Variants in GFRA2 observed in about 807,000 individuals in gnomAD.
GFRA2 encodes the protein GDNF family receptor alpha-2.
GFRA2 carries 17 observed loss-of-function variants against 48.3 expected under a neutral mutation model. That is an observed-to-expected ratio of 0.35 (90% CI 0.24 to 0.53). GFRA2 has a LOEUF of 0.53. GFRA2 is among the 20% of genes least tolerant of loss of function. The pLI is 0.93. For missense variants in GFRA2, 660 were observed against 637.3 expected (o/e 1.04, Z -0.38); for synonymous variants, 305 against 257.2 (o/e 1.19, Z -1.78).
chr8:21,722,231 G>A (rs1455399909), intron 4 of GFRA2, among the ~76,000 whole-genome samples: 1 of 152,130 alleles, frequency 6.6e-6, no homozygotes, highest in Admixed American at 6.5e-5. Context: ...TCCCTGCCCT[G>A]TCTGCCCACC....
chr8:21,740,216 A>G (rs1214542532), intron 4 of GFRA2, among the ~76,000 whole-genome samples: 1 of 152,058 alleles, frequency 6.6e-6, no homozygotes, highest in Non-Finnish European at 1.5e-5. Flanking sequence ...CTCACTCCAC[A>G]CTTCCCAAAG....
At chr8:21,754,092 T>A (rs1805432248) in intron 3 of GFRA2, among the ~76,000 whole-genome samples, 1 of 152,226 alleles carries the variant, frequency 6.6e-6, no homozygotes, top group African/African-American at 2.4e-5. Flanking sequence ...CAACACCCCA[T>A]GCACATTCCA....
intron 3 of GFRA2, among the ~76,000 whole-genome samples, chr8:21,752,171 T>C (rs1218641290): frequency 6.6e-6 from 1 of 152,024 alleles, no homozygotes; most frequent in Non-Finnish European, 1.5e-5. Flanking sequence ...ACATCACCCA[T>C]CTTCAATTAA....
At chr8:21,704,713 C>T (rs1802653952) in intron 6 of GFRA2, among the ~76,000 whole-genome samples, 2 of 152,216 alleles carry the variant, frequency 1.3e-5, no homozygotes, top group Admixed American at 6.5e-5. Flanking sequence ...CCAAAGGAAA[C>T]TGGCTGAAGC....
At chr8:21,737,781 T>G (rs944081440) in intron 4 of GFRA2, among the ~76,000 whole-genome samples, 1 of 152,108 alleles carries the variant, frequency 6.6e-6, no homozygotes, top group African/African-American at 2.4e-5. Flanking sequence ...ACAGCTTCCC[T>G]TCTCAGAATG....
intron 3 of GFRA2, among the ~76,000 whole-genome samples, chr8:21,767,470 GGGTGGGAGGGGAATGCCCAGGGCACGT>G (rs2117674826): frequency 6.6e-6 from 1 of 152,382 alleles, no homozygotes; most frequent in African/African-American, 2.4e-5. Flanking sequence ...GTGCAGGCAT[GGGTGGGAGGGGAATGCCCAGGGCACGT>G]GCTCACAACC....
chr8:21,762,725 T>G (rs375995731), intron 3 of GFRA2, among the ~76,000 whole-genome samples: 44 of 152,370 alleles, frequency 2.9e-4, no homozygotes, highest in African/African-American at 1.1e-3. Context: ...GTTCTGACAA[T>G]TAAAAATTTA....
rs753623842 is a variant in GFRA2 at position 21,750,082 on chromosome 8, T to G, written c.794+506A>C. On this transcript the variant is annotated intron_variant, in intron 4 of 8. Coordinates refer to ENST00000524240, the MANE Select transcript of GFRA2 (RefSeq NM_001495.5). This position sits in a 1 kb window ranked among gnomAD's most constrained non-coding sequence, Gnocchi z 5.7. The stretch of plus-strand genomic sequence containing the variant: ...ATATATGTGTATATATGTGTGTGTG[T>G]GTGTATACACACACACACACACACA... Among the ~76,000 whole-genome samples, 4 of 118,278 alleles carry G rather than the reference T, an allele frequency of 3.4e-5. No individual in the cohort carries two copies. Among genetic ancestry groups the G allele is most frequent in the Non-Finnish European group, 7.1e-5 (4 of 56,086 alleles). The allele number at this position is 118,278 out of a possible 152,430, so 77.6% of individuals were successfully genotyped here. A position where few individuals can be genotyped will look rare whatever the true frequency, so the allele number is the denominator to read the frequency against.
intron 4 of GFRA2, among the ~76,000 whole-genome samples, chr8:21,742,677 A>C (rs1227336810): frequency 6.6e-6 from 1 of 152,226 alleles, no homozygotes; most frequent in African/African-American, 2.4e-5. Flanking sequence ...ACACACGCCC[A>C]GTTGTAGGTG....
chr8:21,750,317 A>G lies in GFRA2; in HGVS notation c.794+271T>C, dbSNP rs1465620777. Among the ~76,000 whole-genome samples the G allele has an allele frequency of 6.6e-6, 1 of 152,222 alleles. No homozygotes were observed. The highest frequency in any genetic ancestry group is 1.5e-5 in the Non-Finnish European group (1 of 68,036). ...TTGGGTTGTTCATTTTGGTTTCCCCAGCTGAGCACAAAGTAAGCAAATGAT... is the reference window on the plus strand; with the variant it reads ...TTGGGTTGTTCATTTTGGTTTCCCCGGCTGAGCACAAAGTAAGCAAATGAT... On this transcript the variant is annotated intron_variant, in intron 4 of 8. Coordinates refer to ENST00000524240, the MANE Select transcript of GFRA2 (RefSeq NM_001495.5). This position sits in a 1 kb window ranked among gnomAD's most constrained non-coding sequence, Gnocchi z 5.7.
In GFRA2 at chr8:21,756,154, G is replaced by A. The variant is rs191064941; in HGVS notation, c.440-5212C>T. ...TGCCCCCAGGTTCCCCAGGTGCTCCGTTCCCACTCCTCTCAGCAGGTTCCT... is the reference window on the plus strand; with the variant it reads ...TGCCCCCAGGTTCCCCAGGTGCTCCATTCCCACTCCTCTCAGCAGGTTCCT... On this transcript the variant is annotated intron_variant, in intron 3 of 8. Transcript: ENST00000524240. Among the ~76,000 whole-genome samples the A allele has an allele frequency of 6.6e-5, 10 of 152,304 alleles. No individual in the cohort carries two copies. The East Asian group carries it at 1.2e-3, about 18-fold the overall frequency.
intron 4 of GFRA2, among the ~76,000 whole-genome samples, chr8:21,713,077 AG>A (rs1053167535): frequency 1.4e-5 from 2 of 146,604 alleles, no homozygotes; most frequent in Non-Finnish European, 3.1e-5. Context: ...GGAGAGGGAG[AG>A]GGAGAGGCAG....
At chr8:21,765,069 C>G (rs1018658078) in intron 3 of GFRA2, among the ~76,000 whole-genome samples, 1 of 152,172 alleles carries the variant, frequency 6.6e-6, no homozygotes, top group South Asian at 2.1e-4. Flanking sequence ...TCTGACCAGG[C>G]TAACCACTTC....
Position 21,786,246 on chromosome 8 carries a change from A to G in GFRA2, c.40+1874T>C, listed in dbSNP as rs931451431. Reference sequence around the variant, plus strand: ...GAGCAGGAACCCCAGCCACTTCTGAAAAGGAGAAAGGTGGACTCCTTAGCC... The same window carrying G: ...GAGCAGGAACCCCAGCCACTTCTGAGAAGGAGAAAGGTGGACTCCTTAGCC... On this transcript the variant is annotated intron_variant, in intron 1 of 8. Coordinates refer to ENST00000524240, the MANE Select transcript of GFRA2 (RefSeq NM_001495.5). 2.6e-5 allele frequency among the ~76,000 whole-genome samples: 4 copies of G among 152,146 alleles called. No individual in the cohort carries two copies. The East Asian group carries it at 7.7e-4, about 29-fold the overall frequency.
In GFRA2 at chr8:21,692,263, T is replaced by C. The variant is rs938683742; in HGVS notation, c.*1015A>G. The C allele has an allele frequency of 6.6e-6, 1 of 152,194 alleles. No individual in the cohort carries two copies. Among genetic ancestry groups the C allele is most frequent in the Non-Finnish European group, 1.5e-5 (1 of 68,006 alleles). The allele number at this position is 152,194 out of a possible 1,614,324, so 9.4% of individuals were successfully genotyped here. A position where few individuals can be genotyped will look rare whatever the true frequency, so the allele number is the denominator to read the frequency against. On this transcript the variant is annotated 3_prime_UTR_variant, in exon 9 of 9. Transcript: ENST00000524240. ...AAGAAAGGGGAAACCACACAATATA[T>C]GTATATGGATGTGTATATACATATA...
chr8:21,761,645 G>A (rs1805916688), intron 3 of GFRA2, among the ~76,000 whole-genome samples: 1 of 152,186 alleles, frequency 6.6e-6, no homozygotes, highest in Non-Finnish European at 1.5e-5. Context: ...GGCAATAAAT[G>A]CTTGTTTAAA....
At chr8:21,703,708 C>T (rs1045394093) in intron 6 of GFRA2, among the ~76,000 whole-genome samples, 3 of 152,214 alleles carry the variant, frequency 2.0e-5, no homozygotes, top group African/African-American at 7.2e-5. Flanking sequence ...TGCCTCCCTG[C>T]ACAAGCACTG....
intron 3 of GFRA2, among the ~76,000 whole-genome samples, chr8:21,753,701 G>T (rs1401821568): frequency 1.3e-5 from 2 of 152,152 alleles, no homozygotes; most frequent in Non-Finnish European, 2.9e-5. Flanking sequence ...CATCGAAGGG[G>T]TATTTTTGAT....
intron 4 of GFRA2, among the ~76,000 whole-genome samples, chr8:21,711,084 A>C (rs531136822): frequency 6.6e-6 from 1 of 152,250 alleles, no homozygotes; most frequent in African/African-American, 2.4e-5. Context: ...TGCTAGGCAA[A>C]TTTCTCCAAG....
Sources: gnomAD v4.1 joint callset for allele counts (sites outside exome capture counted in the v4.1 genomes callset) on GRCh38, gnomAD v4.1.1 for gene constraint, Gnocchi (gnomAD v3.1) non-coding constraint, MANE v1.5 for transcripts, NCBI Gene and HGNC (gene_info 2026-07-23, HGNC 2026-07-21) for gene names.